The following EBF1 variants were observed in gnomAD, a reference collection of about 807,000 sequenced individuals.
The protein encoded by EBF1 is transcription factor COE1.
A neutral mutation model predicts 68.4 loss-of-function variants in EBF1; 10 were observed. The ratio of observed to expected loss-of-function variants is 0.15; its 90% CI spans 0.09 to 0.25. EBF1 has a LOEUF of 0.25. Ranked by LOEUF, EBF1 falls within the 10% of genes least tolerant of loss-of-function variation. The pLI is 1.00. For missense variants in EBF1, 509 were observed against 794.4 expected (o/e 0.64, Z 4.32); for synonymous variants, 298 against 299.8 (o/e 0.99, Z 0.06).
chr5:158,723,884 A>G (rs1561745107), intron 11 of EBF1, among the ~76,000 whole-genome samples: 2 of 152,210 alleles, frequency 1.3e-5, no homozygotes, highest in African/African-American at 2.4e-5. Flanking sequence ...CTTTCCCCAG[A>G]TAAATTACAT....
intron 6 of EBF1, among the ~76,000 whole-genome samples, chr5:159,029,011 T>C (rs1768250259): frequency 6.6e-6 from 1 of 152,216 alleles, no homozygotes; most frequent in African/African-American, 2.4e-5. Context: ...CTAAAGTATA[T>C]ATATTATTTT....
At chr5:159,051,095 G>A (rs1357180840) in intron 6 of EBF1, among the ~76,000 whole-genome samples, 1 of 152,040 alleles carries the variant, frequency 6.6e-6, no homozygotes, top group Non-Finnish European at 1.5e-5. Context: ...CCTCTTAAAG[G>A]GATAGGAGAA....
intron 8 of EBF1, among the ~76,000 whole-genome samples, chr5:158,813,511 C>T (rs1270257632): frequency 6.6e-6 from 1 of 152,120 alleles, no homozygotes; most frequent in Non-Finnish European, 1.5e-5. Context: ...TAACCTCCTG[C>T]AGAGATGGCC....
At chr5:158,991,858 G>A (rs1050435820) in intron 6 of EBF1, among the ~76,000 whole-genome samples, 1 of 152,136 alleles carries the variant, frequency 6.6e-6, no homozygotes, top group African/African-American at 2.4e-5. Context: ...TGCAAGAGCT[G>A]AACAAAGCCC....
At chr5:159,026,078 T>C (rs1262416075) in intron 6 of EBF1, among the ~76,000 whole-genome samples, 1 of 152,208 alleles carries the variant, frequency 6.6e-6, no homozygotes, top group East Asian at 1.9e-4. Flanking sequence ...TTTTTCAGCC[T>C]GGATTGATTA....
intron 6 of EBF1, among the ~76,000 whole-genome samples, chr5:159,022,883 T>C (rs1302257564): frequency 1.3e-5 from 2 of 152,148 alleles, no homozygotes; most frequent in Non-Finnish European, 2.9e-5. Flanking sequence ...CAAGAAGAAG[T>C]ACTCGAAGTT....
At chr5:158,825,457 C>A (rs753381300) in intron 7 of EBF1, among the ~76,000 whole-genome samples, 1 of 148,406 alleles carries the variant, frequency 6.7e-6, no homozygotes. Flanking sequence ...TCAGGAAATA[C>A]AGAAAGTGGT....
At chr5:159,050,710 C>G (rs1278895770) in intron 6 of EBF1, among the ~76,000 whole-genome samples, 1 of 152,186 alleles carries the variant, frequency 6.6e-6, no homozygotes, top group Non-Finnish European at 1.5e-5. Context: ...GTTCATCCTG[C>G]TAGCCAGTCT....
chr5:158,961,913 C>T, intron 6 of EBF1, among the ~76,000 whole-genome samples: 1 of 152,024 alleles, frequency 6.6e-6, no homozygotes, highest in African/African-American at 2.4e-5. Flanking sequence ...AGTCTTATTC[C>T]AGATGAAACA....
intron 7 of EBF1, among the ~76,000 whole-genome samples, chr5:158,825,556 C>A (rs1416655553): frequency 1.3e-5 from 2 of 150,880 alleles, no homozygotes; most frequent in Non-Finnish European, 2.9e-5. Flanking sequence ...AAACTTAAGG[C>A]TTAAAATATT....
intron 4 of EBF1, among the ~76,000 whole-genome samples, chr5:159,085,966 T>A (rs1780571425): frequency 6.6e-6 from 1 of 152,062 alleles, no homozygotes; most frequent in Non-Finnish European, 1.5e-5. Flanking sequence ...AAATGAACAT[T>A]GCAGTAAAAT....
At position 158,836,041 on chromosome 5, in the gene EBF1, T is replaced by C. The variant is rs115551997; in HGVS notation, c.636+3988A>G. Among the ~76,000 whole-genome samples the C allele has an allele frequency of 6.8e-3, 1,037 of 152,310 alleles. 9 individuals are homozygous for C. The highest frequency in any genetic ancestry group is 0.024 in the African/African-American group (995 of 41,554). On this transcript the variant is annotated intron_variant, in intron 7 of 15. Transcript: ENST00000313708. ...GGAACATGCTGAATATAGACACAGTTATCTTCCCAGCATTTAATGCAGTTA... is the reference window on the plus strand; with the variant it reads ...GGAACATGCTGAATATAGACACAGTCATCTTCCCAGCATTTAATGCAGTTA...
intron 6 of EBF1, among the ~76,000 whole-genome samples, chr5:158,846,198 C>T (rs1044007626): frequency 6.6e-6 from 1 of 152,166 alleles, no homozygotes; most frequent in Non-Finnish European, 1.5e-5. Context: ...TGTGTGGAAA[C>T]AACTGTGGGT....
intron 6 of EBF1, among the ~76,000 whole-genome samples, chr5:159,005,728 A>T (rs1763429118): frequency 6.6e-6 from 1 of 152,212 alleles, no homozygotes; most frequent in Non-Finnish European, 1.5e-5. Flanking sequence ...GTGGTTCCTT[A>T]ATCTTTTATG....
chr5:158,988,738 T>C (rs1487405224), intron 6 of EBF1, among the ~76,000 whole-genome samples: 2 of 152,190 alleles, frequency 1.3e-5, no homozygotes, highest in Non-Finnish European at 2.9e-5. Context: ...AAGAAGTGCA[T>C]AGCCTGTTCA....
intron 1 of EBF1, among the ~76,000 whole-genome samples, chr5:159,098,949 GA>G (rs1783150901): frequency 6.6e-6 from 1 of 151,822 alleles, no homozygotes; most frequent in Admixed American, 6.6e-5. Flanking sequence ...AAAGAAAAAA[GA>G]AAAGAGGGAA....
intron 5 of EBF1, among the ~76,000 whole-genome samples, chr5:159,077,433 T>C (rs1391272606): frequency 2.6e-5 from 4 of 152,074 alleles, no homozygotes; most frequent in Non-Finnish European, 1.5e-5. Flanking sequence ...AAACTCCGTC[T>C]CAAAAAGAAA....
At chr5:158,753,263 G>A (rs1769328857) in intron 10 of EBF1, among the ~76,000 whole-genome samples, 1 of 152,036 alleles carries the variant, frequency 6.6e-6, no homozygotes, top group Admixed American at 6.6e-5. Flanking sequence ...CAGGAAATCT[G>A]TTAATAAGAA....
At chr5:159,061,743 T>TTA (rs397961209) in intron 6 of EBF1, among the ~76,000 whole-genome samples, 1 of 151,308 alleles carries the variant, frequency 6.6e-6, no homozygotes, top group East Asian at 1.9e-4. Flanking sequence ...TTTTTTTTTT[T>TTA]ACGTTTCAAT....
Sources: allele counts gnomAD v4.1 joint callset (sites outside exome capture counted in the v4.1 genomes callset), GRCh38; gene constraint gnomAD v4.1.1; transcripts MANE v1.5; gene names NCBI Gene and HGNC (gene_info 2026-07-23, HGNC 2026-07-21).